The following NELL1 variants were observed in gnomAD, a reference collection of about 807,000 sequenced individuals.
The protein encoded by NELL1 is protein kinase C-binding protein NELL1.
In NELL1, 76 loss-of-function variants were observed where a neutral mutation model predicts 107.4. The ratio of observed to expected loss-of-function variants is 0.71; its 90% CI spans 0.59 to 0.86. NELL1 has a LOEUF of 0.86. NELL1 is among the 40% of genes least tolerant of loss of function. NELL1 has a pLI of 0.00. For synonymous variants in NELL1, 353 were observed against 341.2 expected, an observed-to-expected ratio of 1.03 and a Z score of -0.38; for missense variants, 1,024 against 1,005.5, an observed-to-expected ratio of 1.02 and a Z score of -0.25.
At chr11:21,341,456 G>C (rs1229336275) in intron 14 of NELL1, among the ~76,000 whole-genome samples, 1 of 152,158 alleles carries the variant, frequency 6.6e-6, no homozygotes, top group African/African-American at 2.4e-5. Flanking sequence ...ATTCCAAATA[G>C]GAAACTCAGG....
At chr11:20,782,302 C>T (rs1446219697) in intron 2 of NELL1, among the ~76,000 whole-genome samples, 1 of 152,184 alleles carries the variant, frequency 6.6e-6, no homozygotes, top group Admixed American at 6.5e-5. Flanking sequence ...AGGTTTTATA[C>T]TGGTAGACTG....
intron 2 of NELL1, among the ~76,000 whole-genome samples, chr11:20,781,050 A>G (rs1385314619): frequency 6.6e-6 from 1 of 152,190 alleles, no homozygotes; most frequent in African/African-American, 2.4e-5. Context: ...CAGTGTGAAG[A>G]ATGGTGAAAA....
chr11:21,125,763 C>T (rs1182714236), intron 13 of NELL1, among the ~76,000 whole-genome samples: 1 of 152,130 alleles, frequency 6.6e-6, no homozygotes, highest in Non-Finnish European at 1.5e-5. Context: ...GTAATTGTGC[C>T]TGTTGCTTGA....
chr11:21,039,422 G>C (rs1853173601), intron 12 of NELL1, among the ~76,000 whole-genome samples: 1 of 152,110 alleles, frequency 6.6e-6, no homozygotes, highest in African/African-American at 2.4e-5. Context: ...CTGACCTCAG[G>C]TGATCCACCT....
chr11:20,768,350 T>C (rs1249081907), intron 2 of NELL1, among the ~76,000 whole-genome samples: 1 of 152,150 alleles, frequency 6.6e-6, no homozygotes, highest in African/African-American at 2.4e-5. Context: ...ATCAAACAAG[T>C]TTAAAGGGCA....
At chr11:21,413,868 G>A (rs979621029) in intron 15 of NELL1, among the ~76,000 whole-genome samples, 2 of 152,048 alleles carry the variant, frequency 1.3e-5, no homozygotes, top group African/African-American at 4.8e-5. Context: ...TTCATCAGCT[G>A]TCAGGAGGCA....
intron 12 of NELL1, among the ~76,000 whole-genome samples, chr11:21,107,443 G>A (rs1203145311): frequency 6.6e-6 from 1 of 152,142 alleles, no homozygotes; most frequent in Non-Finnish European, 1.5e-5. Flanking sequence ...GTAGGTTCAA[G>A]TCTGATAAAA....
intron 13 of NELL1, among the ~76,000 whole-genome samples, chr11:21,129,302 G>A (rs1488309756): frequency 4.6e-5 from 7 of 152,092 alleles, no homozygotes; most frequent in Admixed American, 6.6e-5. Context: ...TGGCGAGCAC[G>A]TAAACATGGT....
chr11:20,843,234 A>G (rs1446733084), intron 3 of NELL1, among the ~76,000 whole-genome samples: 1 of 151,980 alleles, frequency 6.6e-6, no homozygotes, highest in African/African-American at 2.4e-5. Flanking sequence ...TCCCAAATCC[A>G]TTTTGCTTTG....
At chr11:21,263,039 A>C (rs894491564) in intron 14 of NELL1, among the ~76,000 whole-genome samples, 1 of 151,820 alleles carries the variant, frequency 6.6e-6, no homozygotes, top group Non-Finnish European at 1.5e-5. Context: ...TTATGTTTCA[A>C]GACTGCTTTT....
At position 21,534,600 on chromosome 11, in the gene NELL1, G is replaced by A. The variant is rs981401100; in HGVS notation, c.1786+86G>A. On this transcript the variant is annotated intron_variant, in intron 16 of 19. Transcript: ENST00000357134. ...TTTGGTACTCTGTTCAGCTCCCAGTGTTAAAATATGACCATTCATTGGTTA... is the reference window on the plus strand; with the variant it reads ...TTTGGTACTCTGTTCAGCTCCCAGTATTAAAATATGACCATTCATTGGTTA... The A allele has an allele frequency of 8.0e-6, 11 of 1,367,674 alleles. No homozygotes were observed. In the Admixed American group the frequency reaches 1.8e-4, roughly 22 times the overall value. 84.7% of individuals were successfully genotyped at this position (1,367,674 alleles called of 1,614,324 possible). A position where few individuals can be genotyped will look rare whatever the true frequency, so the allele number is the denominator to read the frequency against.
At chr11:21,331,167 A>T (rs1277750612) in intron 14 of NELL1, among the ~76,000 whole-genome samples, 1 of 151,976 alleles carries the variant, frequency 6.6e-6, no homozygotes, top group African/African-American at 2.4e-5. Flanking sequence ...TATTTATTGT[A>T]GTTGCTTTAG....
intron 5 of NELL1, among the ~76,000 whole-genome samples, chr11:20,908,283 CA>C (rs535936822): frequency 5.3e-5 from 8 of 152,114 alleles, no homozygotes; most frequent in Non-Finnish European, 8.8e-5. Context: ...TTCACAATAG[CA>C]AAGACATGGA....
At chr11:20,961,314 T>C (rs1421907735) in intron 12 of NELL1, among the ~76,000 whole-genome samples, 1 of 152,204 alleles carries the variant, frequency 6.6e-6, no homozygotes, top group Admixed American at 6.5e-5. Context: ...TATAGTACCA[T>C]AATATCTGAG....
chr11:21,059,432 C>T (rs1853686104), intron 12 of NELL1, among the ~76,000 whole-genome samples: 2 of 152,002 alleles, frequency 1.3e-5, no homozygotes, highest in Non-Finnish European at 2.9e-5. Flanking sequence ...TTAAATGTAG[C>T]CTTCACCCTT....
At chr11:20,843,229 A>G (rs1848649121) in intron 3 of NELL1, among the ~76,000 whole-genome samples, 1 of 152,090 alleles carries the variant, frequency 6.6e-6, no homozygotes, top group South Asian at 2.1e-4. Context: ...TTGTTTCCCA[A>G]ATCCATTTTG....
intron 14 of NELL1, among the ~76,000 whole-genome samples, chr11:21,273,118 A>G (rs1848775733): frequency 1.3e-5 from 2 of 152,208 alleles, no homozygotes; most frequent in South Asian, 4.1e-4. Context: ...CTACAGGAGG[A>G]AGTTCAAACC....
At chr11:21,080,623 A>G (rs1051447277) in intron 12 of NELL1, among the ~76,000 whole-genome samples, 9 of 152,038 alleles carry the variant, frequency 5.9e-5, no homozygotes, top group Non-Finnish European at 1.2e-4. Context: ...TTTACTTCCA[A>G]AAAGAACATT....
At chr11:21,162,224 C>T (rs1456966783) in intron 13 of NELL1, among the ~76,000 whole-genome samples, 1 of 152,104 alleles carries the variant, frequency 6.6e-6, no homozygotes, top group Non-Finnish European at 1.5e-5. Context: ...GCTGGGATTA[C>T]AGGCGTGAGC....
Sources: allele counts gnomAD v4.1 joint callset (sites outside exome capture counted in the v4.1 genomes callset), GRCh38; gene constraint gnomAD v4.1.1; transcripts MANE v1.5; gene names NCBI Gene and HGNC (gene_info 2026-07-23, HGNC 2026-07-21).